SCNN1B: variants seen among roughly 807,000 people sequenced by gnomAD.
SCNN1B encodes sodium channel epithelial 1 subunit beta.
In SCNN1B, 46 loss-of-function variants were observed where a neutral mutation model predicts 65.3. That is an observed-to-expected ratio of 0.70 (90% CI 0.56 to 0.90). The LOEUF is 0.90. Among genes scored for constraint, SCNN1B ranks in the 40% least tolerant of loss-of-function variants. The probability of loss-of-function intolerance (pLI) is 0.00; values close to 1 mark genes in which losing one functional copy is unlikely to be tolerated. For missense variants in SCNN1B, 751 were observed against 830.5 expected (o/e 0.90, Z 1.18); for synonymous variants, 349 against 330.6 (o/e 1.06, Z -0.60).
intron 1 of SCNN1B, among the ~76,000 whole-genome samples, chr16:23,338,869 C>A (rs1961996732): frequency 1.3e-5 from 2 of 152,210 alleles, no homozygotes; most frequent in Non-Finnish European, 2.9e-5. Flanking sequence ...TTTGTTAGAA[C>A]TTTATTGAGA....
chr16:23,283,371 A>C (rs1960808663), intron 1 of SCNN1B, among the ~76,000 whole-genome samples: 4 of 152,224 alleles, frequency 2.6e-5, no homozygotes, highest in African/African-American at 9.6e-5. Flanking sequence ...AGATCACGAC[A>C]CTGCACTCCA....
chr16:23,352,650 T>G, intron 2 of SCNN1B, 151 bp from the exon 3 acceptor site: 1 of 876,972 alleles, frequency 1.1e-6, no homozygotes, highest in Non-Finnish European at 1.8e-6. Context: ...TGTGAGTCAA[T>G]TATACCTCTT....
intron 1 of SCNN1B, among the ~76,000 whole-genome samples, chr16:23,279,000 A>T (rs1002465571): frequency 2.4e-5 from 3 of 126,670 alleles, no homozygotes; most frequent in Admixed American, 2.3e-4. Flanking sequence ...TCACCTTAAT[A>T]AAAAAAAAGG....
intron 4 of SCNN1B, among the ~76,000 whole-genome samples, chr16:23,357,851 G>T (rs1045344550): frequency 6.6e-6 from 1 of 152,088 alleles, no homozygotes; most frequent in African/African-American, 2.4e-5. Context: ...GGGCACACCC[G>T]CCAACCACAC....
At chr16:23,363,846 T>A (rs905338269) in intron 4 of SCNN1B, among the ~76,000 whole-genome samples, 1 of 150,230 alleles carries the variant, frequency 6.7e-6, no homozygotes, top group Non-Finnish European at 1.5e-5. Context: ...GATTTCAGAT[T>A]CTGATGTATC....
chr16:23,353,300 C>T (rs774668975), intron 3 of SCNN1B: 11 of 585,644 alleles, frequency 1.9e-5, no homozygotes, highest in Middle Eastern at 4.5e-4. Flanking sequence ...GCAAAACAGG[C>T]GATTCATTGG....
At chr16:23,379,945 T>C (rs1596893300) in intron 11 of SCNN1B, 149 bp from the exon 12 acceptor site, 2 of 732,420 alleles carry the variant, frequency 2.7e-6, no homozygotes, top group East Asian at 5.3e-5. Flanking sequence ...CCTGTGTGCA[T>C]GTGTGCACGG....
At chr16:23,332,277 C>T (rs1961828852) in intron 1 of SCNN1B, among the ~76,000 whole-genome samples, 1 of 151,808 alleles carries the variant, frequency 6.6e-6, no homozygotes, top group Admixed American at 6.6e-5. Context: ...CTCACTGAAA[C>T]CTCTGCCTCC....
intron 1 of SCNN1B, among the ~76,000 whole-genome samples, chr16:23,326,446 G>T (rs973709511): frequency 2.0e-5 from 3 of 151,618 alleles, no homozygotes; most frequent in Admixed American, 6.6e-5. Context: ...AACCCACATG[G>T]TTTTTTTGTT....
chr16:23,380,362 G>A lies in SCNN1B; in HGVS notation c.1543-59G>A. ...GAATCACCTCCCAGGAAGCTGTGAG[G>A]CTGGGCTAGAGGCAAGAATGTGTGG... On this transcript the variant is annotated intron_variant, in intron 12 of 12. Coordinates refer to ENST00000343070, the MANE Select transcript of SCNN1B (RefSeq NM_000336.3). The surrounding 1 kb of genome is among the most constrained non-coding windows in gnomAD (Gnocchi z 5.4). 1.9e-6 allele frequency: 3 copies of A among 1,612,796 alleles called. No homozygotes were observed. The Admixed American group carries it at 5.0e-5, about 27-fold the overall frequency.
intron 1 of SCNN1B, among the ~76,000 whole-genome samples, chr16:23,345,623 T>A (rs894282687): frequency 3.9e-5 from 6 of 152,180 alleles, no homozygotes; most frequent in African/African-American, 1.4e-4. Context: ...TATTCCAATA[T>A]AAACGAATAG....
At chr16:23,303,613 A>G (rs575487605) in intron 1 of SCNN1B, among the ~76,000 whole-genome samples, 3 of 152,262 alleles carry the variant, frequency 2.0e-5, no homozygotes, top group South Asian at 4.1e-4. Context: ...GAAAATATGT[A>G]AAATACTTAG....
chr16:23,330,491 T>A (rs896539267), intron 1 of SCNN1B, among the ~76,000 whole-genome samples: 2 of 152,192 alleles, frequency 1.3e-5, no homozygotes, highest in African/African-American at 4.8e-5. Flanking sequence ...TTTCGGATCC[T>A]GCAGCCTGTT....
intron 2 of SCNN1B, among the ~76,000 whole-genome samples, chr16:23,293,940 T>A (rs1960961465): frequency 6.6e-6 from 1 of 151,860 alleles, no homozygotes; most frequent in African/African-American, 2.4e-5. Context: ...AGAAAAATGG[T>A]TAAATGGTAA....
In SCNN1B at chr16:23,355,372, T is replaced by A; in HGVS notation, c.659T>A (p.Ile220Asn). ...ACCCAGGCATTGACAGAGTGGTACA[T>A]CCTGCAGGCCACCAACATCTTTGCA... ...SATQALTEWY[I>N]LQATNIFAQV... Residue 220 changes from isoleucine (I) to asparagine (N), a missense_variant, in exon 4 of 13, where the codon ATC becomes AAC. Transcript: ENST00000343070. 2 of 1,614,114 alleles carry A rather than the reference T, an allele frequency of 1.2e-6. 1 individual carries two copies. Among genetic ancestry groups the A allele is most frequent in the African/African-American group, 2.7e-5 (2 of 75,012 alleles).
intron 3 of SCNN1B, among the ~76,000 whole-genome samples, chr16:23,353,818 A>G (rs950924998): frequency 2.6e-5 from 4 of 152,230 alleles, no homozygotes; most frequent in African/African-American, 9.6e-5. Flanking sequence ...GGAGGCTGGT[A>G]TGCCATTAGT....
At chr16:23,281,544 G>A (rs1370147712) in intron 1 of SCNN1B, among the ~76,000 whole-genome samples, 1 of 152,164 alleles carries the variant, frequency 6.6e-6, no homozygotes, top group East Asian at 1.9e-4. Flanking sequence ...GAAGTCCCTG[G>A]CTGTCCCTGG....
At position 23,367,885 on chromosome 16, in the gene SCNN1B, A is replaced by G. The variant is rs2142035969; in HGVS notation, c.806A>G (p.Tyr269Cys). Residue 269 changes from tyrosine (Y) to cysteine (C), a missense_variant, in exon 5 of 13, where the codon TAT (tyrosine) becomes TGT (cysteine). By Grantham distance (194) the Tyr-to-Cys change is radical. Transcript: ENST00000343070. ...RNFTSIFYPH[Y>C]GNCYIFNWGM... Reference sequence around the variant, plus strand: ...TTCACGTCCATCTTCTACCCTCACTATGGCAACTGTTACATCTTCAACTGG... The same window carrying G: ...TTCACGTCCATCTTCTACCCTCACTGTGGCAACTGTTACATCTTCAACTGG... 1 of 1,614,162 alleles carries G rather than the reference A, an allele frequency of 6.2e-7. No homozygotes were observed. Among genetic ancestry groups the G allele is most frequent in the East Asian group, 2.2e-5 (1 of 44,880 alleles).
chr16:23,278,899 C>T lies in SCNN1B; in HGVS notation n.110+559C>T, dbSNP rs567205128. Among the ~76,000 whole-genome samples the T allele has an allele frequency of 4.6e-5, 7 of 151,956 alleles. No homozygotes were observed. In the East Asian group the frequency reaches 1.4e-3, roughly 29 times the overall value. The stretch of plus-strand genomic sequence containing the variant: ...GGGCTGCAGTGAGCTATGATCGTAC[C>T]ACTGCACTCCAGCCTGGACGACAGA... On this transcript the variant is annotated intron_variant and non_coding_transcript_variant, in intron 1 of 3. Coordinates refer to the SCNN1B transcript ENST00000569789.
Sources: gnomAD v4.1 joint callset for allele counts (sites outside exome capture counted in the v4.1 genomes callset) on GRCh38, gnomAD v4.1.1 for gene constraint, Gnocchi (gnomAD v3.1) non-coding constraint, MANE v1.5 for transcripts, NCBI Gene and HGNC (gene_info 2026-07-23, HGNC 2026-07-21) for gene names.